The following HPS3 variants were observed in gnomAD, a reference collection of about 807,000 sequenced individuals.
HPS3 encodes the protein HPS3 biogenesis of lysosomal organelles complex 2 subunit 1.
Under a neutral mutation model 110.9 loss-of-function variants are expected in HPS3, and 79 were observed. The observed-to-expected ratio is 0.71, with a 90% CI of 0.59 to 0.86. HPS3 has a LOEUF of 0.86. Among genes scored for constraint, HPS3 ranks in the 40% least tolerant of loss-of-function variants. The pLI is 0.00. For missense variants in HPS3, 1,197 were observed against 1,206.2 expected (o/e 0.99, Z 0.11); for synonymous variants, 428 against 451.0 (o/e 0.95, Z 0.65).
intron 8 of HPS3, among the ~76,000 whole-genome samples, chr3:149,156,372 A>G (rs1474548830): frequency 6.6e-6 from 1 of 152,206 alleles, no homozygotes; most frequent in Non-Finnish European, 1.5e-5. Context: ...AACTGACCCA[A>G]TGGCTTGATA....
At chr3:149,131,584 T>C (rs1721783533) in intron 1 of HPS3, among the ~76,000 whole-genome samples, 2 of 152,216 alleles carry the variant, frequency 1.3e-5, no homozygotes, top group Admixed American at 6.5e-5. Flanking sequence ...ATGTTCTGAT[T>C]ACTGCTCTGA....
At chr3:149,130,256 C>A in intron 1 of HPS3, 1 of 460,724 alleles carries the variant, frequency 2.2e-6, no homozygotes, top group East Asian at 4.0e-5. Context: ...CAACAAAAAA[C>A]TCTTTAGTGC....
chr3:149,138,555 G>A (rs1479801730), intron 1 of HPS3, among the ~76,000 whole-genome samples: 1 of 152,108 alleles, frequency 6.6e-6, no homozygotes, highest in Non-Finnish European at 1.5e-5. Flanking sequence ...AGGCAAGGAG[G>A]AAAAGATACA....
At chr3:149,158,569 CT>C in intron 9 of HPS3, 96 bp from the exon 10 acceptor site, 1 of 1,140,526 alleles carries the variant, frequency 8.8e-7, no homozygotes, top group African/African-American at 1.5e-5. Context: ...AGGATAATCA[CT>C]TGAGGTCAGG....
Position 149,129,650 on chromosome 3 carries a change from A to C in HPS3, c.-74A>C. 8.5e-7 allele frequency: 1 copy of C among 1,174,584 alleles called. No individual in the cohort carries two copies. Among genetic ancestry groups the C allele is most frequent in the South Asian group, 1.6e-5 (1 of 62,796 alleles). The allele number at this position is 1,174,584 out of a possible 1,614,324, so 72.8% of individuals were successfully genotyped here. On this transcript the variant is annotated 5_prime_UTR_variant, in exon 1 of 17. Coordinates refer to ENST00000296051, the MANE Select transcript of HPS3 (RefSeq NM_032383.5). ...TTGGCTCGCTCGCGGAAGTAGTCCT[A>C]CATTCGCGGTCAGCGCGGGGTCTCC...
chr3:149,130,200 A>G (rs1721674344), intron 1 of HPS3: 2 of 569,362 alleles, frequency 3.5e-6, no homozygotes, highest in East Asian at 2.9e-5. Flanking sequence ...TTCTGCAGAA[A>G]GGCCTCTGGC....
rs369745955 is a variant in HPS3 at position 149,136,175 on chromosome 3, TAC to T, written c.218-3819_218-3818del. 3.4e-3 allele frequency among the ~76,000 whole-genome samples: 508 copies of T among 148,078 alleles called. 4 individuals carry two copies. The highest frequency in any genetic ancestry group is 0.012 in the African/African-American group (483 of 39,720). The stretch of plus-strand genomic sequence containing the variant: ...CTACATATGTGTGTGTGTATATATA[TAC>T]ACACACACATTATAATATATGTATA... On this transcript the variant is annotated intron_variant, in intron 1 of 16. Coordinates refer to ENST00000296051, the MANE Select transcript of HPS3 (RefSeq NM_032383.5).
At chr3:149,171,060 A>G (rs761671206) in intron 16 of HPS3, among the ~76,000 whole-genome samples, 2 of 152,154 alleles carry the variant, frequency 1.3e-5, no homozygotes, top group African/African-American at 2.4e-5. Context: ...CAGGCGGATC[A>G]TGAGGTCAAG....
chr3:149,135,152 A>G (rs1347880821), intron 1 of HPS3, among the ~76,000 whole-genome samples: 1 of 152,204 alleles, frequency 6.6e-6, no homozygotes, highest in Non-Finnish European at 1.5e-5. Flanking sequence ...AAACATTTTC[A>G]GGTTAAAAAA....
In HPS3 at chr3:149,140,021, A is replaced by G. The variant is rs755729493; in HGVS notation, c.235A>G (p.Ile79Val). Reference sequence around the variant, plus strand: ...CTTCTCAGGAGATTATTTGGTAGCAATTGAAGAGAAAAACAAAGCTACATT... The same window carrying G: ...CTTCTCAGGAGATTATTTGGTAGCAGTTGAAGAGAAAAACAAAGCTACATT... ...YSEAGDYLVA[I>V]EEKNKATFLR... is the part of the protein sequence containing the mutation. The change falls in exon 2 of 17, where the codon ATT becomes GTT. Residue 79 changes from isoleucine (I) to valine (V), a missense_variant. Transcript: ENST00000296051. 7 of 1,613,104 alleles carry G rather than the reference A, an allele frequency of 4.3e-6. No individual in the cohort carries two copies. Among genetic ancestry groups the G allele is most frequent in the Admixed American group, 1.7e-5 (1 of 59,900 alleles).
At chr3:149,138,569 A>G (rs1410110739) in intron 1 of HPS3, among the ~76,000 whole-genome samples, 1 of 152,230 alleles carries the variant, frequency 6.6e-6, no homozygotes, top group Non-Finnish European at 1.5e-5. Flanking sequence ...AGATACATAT[A>G]GTATACTCTA....
At chr3:149,158,058 A>T (rs1723565605) in intron 9 of HPS3, among the ~76,000 whole-genome samples, 1 of 152,160 alleles carries the variant, frequency 6.6e-6, no homozygotes, top group Admixed American at 6.5e-5. Flanking sequence ...ATTGTCTGCT[A>T]CCTTAAGGGA....
chr3:149,166,998 G>GC, intron 14 of HPS3, 36 bp from the exon 15 acceptor site: 2 of 1,506,452 alleles, frequency 1.3e-6, no homozygotes, highest in Non-Finnish European at 1.8e-6. Flanking sequence ...TTTTTGAGGT[G>GC]CCTCATTTCA....
In HPS3 at chr3:149,155,212, G is replaced by C; in HGVS notation, c.1506G>C (p.Glu502Asp). 6.9e-7 allele frequency: 1 copy of C among 1,452,838 alleles called. No homozygotes were observed. The highest frequency in any genetic ancestry group is 1.4e-5 in the African/African-American group (1 of 71,268). The allele number at this position is 1,452,838 out of a possible 1,614,324, so 90.0% of individuals were successfully genotyped here. ...NTISPVQLYK[E>D]MVDYSNTYKT... ...TCTCACCAGTGCAGCTGTACAAAGA[G>C]ATGGTACTCTTTTCAAACTTCTGAT... Residue 502 changes from glutamate (E) to aspartate (D), a missense_variant, in exon 8 of 17, where the codon GAG becomes GAC. Physicochemically the swap from Glu to Asp is conservative, Grantham distance 45 (BLOSUM62 2). Coordinates refer to ENST00000296051, the MANE Select transcript of HPS3 (RefSeq NM_032383.5).
chr3:149,145,498 A>G lies in HPS3; in HGVS notation c.1115A>G (p.Lys372Arg), dbSNP rs374685364. Residue 372 changes from lysine (K) to arginine (R), a missense_variant, in exon 5 of 17, where the codon AAG becomes AGG. By Grantham distance (26) the Lys-to-Arg change is conservative. Coordinates refer to ENST00000296051, the MANE Select transcript of HPS3 (RefSeq NM_032383.5). ...ATGTCAGTCTACCAGTATCCTGAAA[A>G]GTCTCAGCAGGCAGTACTCACGCCA... Reference protein sequence around the residue: ...ELMSVYQYPEKSQQAVLTPQF... With the variant: ...ELMSVYQYPERSQQAVLTPQF... 26 of 1,613,982 alleles carry G rather than the reference A, an allele frequency of 1.6e-5. No individual in the cohort carries two copies. The highest frequency in any genetic ancestry group is 2.1e-5 in the Non-Finnish European group (25 of 1,179,986).
At chr3:149,158,609 G>A (rs1339795952) in intron 9 of HPS3, 57 bp from the exon 10 acceptor site, 1 of 1,482,290 alleles carries the variant, frequency 6.7e-7, no homozygotes. Flanking sequence ...GCAACATAGT[G>A]AGACCCCGTC....
In HPS3 at chr3:149,162,847, A is replaced by G. The variant is rs1206651876; in HGVS notation, c.2450A>G (p.Asp817Gly). The G allele has an allele frequency of 1.2e-6, 2 of 1,613,882 alleles. No homozygotes were observed. The highest frequency in any genetic ancestry group is 1.7e-6 in the Non-Finnish European group (2 of 1,179,926). The change falls in exon 13 of 17, where the codon GAC becomes GGC. Residue 817 changes from aspartate (D) to glycine (G), a missense_variant. Asp to Gly is a moderately conservative substitution (Grantham distance 94, BLOSUM62 -1). Transcript: ENST00000296051. Reference sequence around the variant, plus strand: ...AGATTGTCTAAGAGGCAGCCTCCTGACACCACACCATTGCGAACATCGGAG... The same window carrying G: ...AGATTGTCTAAGAGGCAGCCTCCTGGCACCACACCATTGCGAACATCGGAG... ...IWRLSKRQPP[D>G]TTPLRTSEDL...
At position 149,162,700 on chromosome 3, in the gene HPS3, C is replaced by T; in HGVS notation, c.2303C>T (p.Ala768Val). The T allele has an allele frequency of 6.2e-7, 1 of 1,613,882 alleles. No individual in the cohort carries two copies. Among genetic ancestry groups the T allele is most frequent in the Non-Finnish European group, 8.5e-7 (1 of 1,179,900 alleles). Residue 768 changes from alanine to valine, a missense_variant, in exon 13 of 17, where the codon GCT (alanine) becomes GTT (valine). Transcript: ENST00000296051. ...TTTACTGTTTTTAAGGTGCTTTGTGCTAAGGATGAAGATACAATTCCTCAG... is the reference window on the plus strand; with the variant it reads ...TTTACTGTTTTTAAGGTGCTTTGTGTTAAGGATGAAGATACAATTCCTCAG... The part of the protein sequence containing the change: ...EADSFFKVLC[A>V]KDEDTIPQLL...
chr3:149,135,636 A>G (rs963605856), intron 1 of HPS3, among the ~76,000 whole-genome samples: 3 of 152,134 alleles, frequency 2.0e-5, no homozygotes, highest in African/African-American at 7.2e-5. Context: ...CAGTAATGTG[A>G]AAATGGACTA....
Sources: allele counts gnomAD v4.1 joint callset (sites outside exome capture counted in the v4.1 genomes callset), GRCh38; gene constraint gnomAD v4.1.1; transcripts MANE v1.5; gene names NCBI Gene and HGNC (gene_info 2026-07-23, HGNC 2026-07-21).